Variants in MIDEAS observed in about 807,000 individuals in gnomAD.
MIDEAS encodes the protein mitotic deacetylase associated SANT domain protein, also known as mitotic deacetylase-associated SANT domain protein.
In MIDEAS, 26 loss-of-function variants were observed where a neutral mutation model predicts 102.7. The ratio of observed to expected loss-of-function variants is 0.25; its 90% CI spans 0.19 to 0.35. MIDEAS has a LOEUF of 0.35. MIDEAS is among the 10% of genes least tolerant of loss of function. The pLI is 1.00. For missense variants in MIDEAS, 1,231 were observed against 1,435.6 expected (o/e 0.86, Z 2.30); for synonymous variants, 585 against 591.0 (o/e 0.99, Z 0.15).
At position 73,741,415 on chromosome 14, in the gene MIDEAS, T is replaced by C. The variant is rs561169845; in HGVS notation, c.-247-1160A>G. 3.6e-3 allele frequency among the ~76,000 whole-genome samples: 543 copies of C among 152,218 alleles called. 1 individual carries two copies. Among genetic ancestry groups the C allele is most frequent in the Non-Finnish European group, 6.4e-3 (433 of 68,008 alleles). ...GTGGGAGCTACATAGCCCACCTCTTTCCCCAGTAAGATTCTGGTCCCTAGG... is the reference window on the plus strand; with the variant it reads ...GTGGGAGCTACATAGCCCACCTCTTCCCCCAGTAAGATTCTGGTCCCTAGG... On this transcript the variant is annotated intron_variant, in intron 1 of 12. Coordinates refer to ENST00000423556, the MANE Select transcript of MIDEAS (RefSeq NM_001367710.1).
At chr14:73,723,087 T>C (rs2053017473) in intron 9 of MIDEAS, 2 of 376,824 alleles carry the variant, frequency 5.3e-6, no homozygotes, top group Non-Finnish European at 9.7e-6. Flanking sequence ...TAAAGGACAA[T>C]GTCGGAACCA....
intron 1 of MIDEAS, among the ~76,000 whole-genome samples, chr14:73,775,809 C>T (rs1027146056): frequency 5.3e-5 from 8 of 152,160 alleles, no homozygotes; most frequent in African/African-American, 1.4e-4. Context: ...GGAGCTGGAG[C>T]TCACCTTATC....
chr14:73,742,531 C>T lies in MIDEAS; in HGVS notation c.-247-2276G>A, dbSNP rs543086233. Among the ~76,000 whole-genome samples, 6 of 152,298 alleles carry T rather than the reference C, an allele frequency of 3.9e-5. No homozygotes were observed. The highest frequency in any genetic ancestry group is 1.4e-4 in the African/African-American group (6 of 41,578). On this transcript the variant is annotated intron_variant, in intron 1 of 12. Transcript: ENST00000423556. The surrounding 1 kb of genome is among the most constrained non-coding windows in gnomAD (Gnocchi z 4.4). ...GCTTACCCACAGCTGTATGGTCAGC[C>T]CTGGAGGAGCTGAGCTCAGCTGGGA...
At chr14:73,738,076 G>A (rs1173399125) in intron 2 of MIDEAS, among the ~76,000 whole-genome samples, 12 of 152,070 alleles carry the variant, frequency 7.9e-5, no homozygotes, top group South Asian at 2.1e-4. Context: ...AAGCCACTGC[G>A]CCTAGCCTCA....
chr14:73,776,061 G>A (rs2053685440), intron 1 of MIDEAS, among the ~76,000 whole-genome samples: 1 of 151,986 alleles, frequency 6.6e-6, no homozygotes, highest in African/African-American at 2.4e-5. Context: ...AGTCTGAAAA[G>A]CAAAGTGGCA....
intron 1 of MIDEAS, among the ~76,000 whole-genome samples, chr14:73,771,655 C>T (rs1192954089): frequency 6.6e-6 from 1 of 152,192 alleles, no homozygotes; most frequent in East Asian, 1.9e-4. Context: ...CTGCTCAGCG[C>T]CACACCCAAA....
intron 1 of MIDEAS, among the ~76,000 whole-genome samples, chr14:73,786,657 G>A (rs757694480): frequency 2.0e-5 from 3 of 152,222 alleles, no homozygotes; most frequent in Non-Finnish European, 4.4e-5. Flanking sequence ...ATAAAAGTCC[G>A]GGGAAAGTTC....
intron 3 of MIDEAS, among the ~76,000 whole-genome samples, chr14:73,736,609 T>A (rs7401013): frequency 6.7e-6 from 1 of 150,010 alleles, no homozygotes; most frequent in African/African-American, 2.5e-5. Context: ...CCAGCCTGGG[T>A]GACAGAGCAA....
chr14:73,763,758 A>G (rs2053571484), upstream of MIDEAS, among the ~76,000 whole-genome samples: 1 of 152,078 alleles, frequency 6.6e-6, no homozygotes, highest in East Asian at 1.9e-4. Flanking sequence ...CTCATTACCT[A>G]CAATTACAAC....
chr14:73,736,413 C>T (rs1404996355), intron 3 of MIDEAS, among the ~76,000 whole-genome samples: 3 of 151,858 alleles, frequency 2.0e-5, no homozygotes, highest in South Asian at 2.1e-4. Flanking sequence ...GGGCGGATCA[C>T]GAGGTCAGGA....
chr14:73,735,866 G>GT (rs764738779), intron 3 of MIDEAS, among the ~76,000 whole-genome samples: 2 of 152,222 alleles, frequency 1.3e-5, no homozygotes, highest in South Asian at 4.1e-4. Flanking sequence ...CTCATGTAAA[G>GT]TAAGAATTGG....
At chr14:73,784,858 G>C (rs578233696) in intron 1 of MIDEAS, among the ~76,000 whole-genome samples, 3 of 152,180 alleles carry the variant, frequency 2.0e-5, no homozygotes, top group Non-Finnish European at 4.4e-5. Context: ...GTTTGTCCTC[G>C]AGTTTCTGGA....
intron 1 of MIDEAS, among the ~76,000 whole-genome samples, chr14:73,766,697 C>T (rs2053594331): frequency 6.6e-6 from 1 of 151,896 alleles, no homozygotes; most frequent in Non-Finnish European, 1.5e-5. Context: ...CTACAGGCAG[C>T]TGTCGCCATG....
intron 1 of MIDEAS, among the ~76,000 whole-genome samples, chr14:73,782,643 T>C (rs1278736899): frequency 6.6e-6 from 1 of 152,196 alleles, no homozygotes; most frequent in Non-Finnish European, 1.5e-5. Flanking sequence ...TTCACAAGTC[T>C]TGCCTGCAAG....
rs1050159248 is a variant in MIDEAS, at chr14:73,725,170, C to T, written c.2574+102G>A. The T allele has an allele frequency of 1.2e-6, 1 of 857,180 alleles. No homozygotes were observed. Among genetic ancestry groups the T allele is most frequent in the African/African-American group, 1.7e-5 (1 of 60,494 alleles). 53.1% of individuals were successfully genotyped at this position (857,180 alleles called of 1,614,324 possible). A position where few individuals can be genotyped will look rare whatever the true frequency, so the allele number is the denominator to read the frequency against. ...CTCTGAGGCTACTCAGTAGCATTGA[C>T]CTGACTGCTTTTTAAGAGGGATTGG... On this transcript the variant is annotated intron_variant, in intron 9 of 12. Transcript: ENST00000423556. This position sits in a 1 kb window ranked among gnomAD's most constrained non-coding sequence, Gnocchi z 4.1.
intron 10 of MIDEAS, 66 bp from the exon 11 acceptor site, chr14:73,721,575 G>A (rs2052994056): frequency 3.3e-6 from 5 of 1,497,198 alleles, no homozygotes; most frequent in Admixed American, 1.7e-5. Flanking sequence ...CACAGATTCT[G>A]ACCCGGCCGG....
intron 1 of MIDEAS, among the ~76,000 whole-genome samples, chr14:73,741,822 AAG>A (rs1348806013): frequency 6.6e-6 from 1 of 152,150 alleles, no homozygotes; most frequent in Non-Finnish European, 1.5e-5. Flanking sequence ...TGAAGAGAGT[AAG>A]AGACCCTCCT....
intron 3 of MIDEAS, among the ~76,000 whole-genome samples, chr14:73,734,713 T>C (rs955784118): frequency 6.6e-6 from 1 of 152,172 alleles, no homozygotes; most frequent in East Asian, 1.9e-4. Flanking sequence ...ATTGCAGGCA[T>C]AACCCACTGC....
chr14:73,730,301 T>G, intron 3 of MIDEAS: 1 of 442,444 alleles, frequency 2.3e-6, no homozygotes, highest in Non-Finnish European at 4.2e-6. Flanking sequence ...AACACATTCT[T>G]AGCTCTGGAT....
Sources: allele counts gnomAD v4.1 joint callset (sites outside exome capture counted in the v4.1 genomes callset), GRCh38; gene constraint gnomAD v4.1.1; non-coding constraint Gnocchi (gnomAD v3.1); transcripts MANE v1.5; gene names NCBI Gene and HGNC (gene_info 2026-07-23, HGNC 2026-07-21).